The following TMEM114 variants were observed in gnomAD, a reference collection of about 807,000 sequenced individuals.
TMEM114 encodes the protein transmembrane protein 114.
TMEM114 carries 6 observed loss-of-function variants against 6.2 expected under a neutral mutation model. The ratio of observed to expected loss-of-function variants is 0.97; its 90% CI spans 0.53 to 1.91. TMEM114 has a LOEUF of 1.91. TMEM114 is among the 40% of genes most tolerant of loss of function. TMEM114 has a pLI of 0.01. For synonymous variants in TMEM114, 104 were observed against 73.0 expected (o/e 1.42, Z -2.16); for missense variants, 218 against 158.3 (o/e 1.38, Z -2.02).
In TMEM114 at chr16:8,562,196, A is replaced by G. The variant is rs1341748568; in HGVS notation, n.213-24370T>C. Among the ~76,000 whole-genome samples, 4 of 147,076 alleles carry G rather than the reference A, an allele frequency of 2.7e-5. No individual in the cohort carries two copies. In the South Asian group the frequency reaches 6.7e-4, roughly 25 times the overall value. ...AGTGAATGAGTCAGTGAGTGAGTGA[A>G]TGAGTCAGTGAATGAGTGAGTAAAT... On this transcript the variant is annotated intron_variant and non_coding_transcript_variant, in intron 2 of 2. Coordinates refer to the TMEM114 transcript ENST00000623677.
At chr16:8,530,653 A>T in the TMEM114 span, among the ~76,000 whole-genome samples, 7 of 151,348 alleles carry the variant, frequency 4.6e-5, no homozygotes, top group Non-Finnish European at 2.9e-5. Flanking sequence ...ACGGATGAAG[A>T]GAGGGAAGGG....
At chr16:8,528,678 C>T in the TMEM114 span, among the ~76,000 whole-genome samples, 1 of 152,312 alleles carries the variant, frequency 6.6e-6, no homozygotes, top group South Asian at 2.1e-4. Flanking sequence ...TGTCAGCTTT[C>T]AACATGATTT....
intron 2 of TMEM114, among the ~76,000 whole-genome samples, chr16:8,562,850 G>A (rs958759871): frequency 2.0e-4 from 30 of 151,408 alleles, no homozygotes; most frequent in Non-Finnish European, 3.8e-4. Context: ...GTGAATAAGT[G>A]AGTGAGTGAA....
chr16:8,578,461 A>T (rs545716094), intron 2 of TMEM114, among the ~76,000 whole-genome samples: 1 of 152,198 alleles, frequency 6.6e-6, no homozygotes, highest in East Asian at 1.9e-4. Flanking sequence ...TTGTCATAGG[A>T]TTTAGGGCCC....
downstream of TMEM114, among the ~76,000 whole-genome samples, chr16:8,567,565 GATGCGAGGAGC>G (rs948949553): frequency 3.9e-5 from 6 of 152,252 alleles, no homozygotes; most frequent in South Asian, 1.0e-3. Flanking sequence ...AGCATCATAG[GATGCGAGGAGC>G]ATCCCTGGCC....
At chr16:8,581,164 G>A (rs894570160) in intron 2 of TMEM114, among the ~76,000 whole-genome samples, 1 of 152,022 alleles carries the variant, frequency 6.6e-6, no homozygotes, top group Non-Finnish European at 1.5e-5. Flanking sequence ...TTTCTTTGAG[G>A]GGGGATAATA....
At chr16:8,586,613 G>A (rs1285411813) in intron 2 of TMEM114, among the ~76,000 whole-genome samples, 2 of 151,774 alleles carry the variant, frequency 1.3e-5, no homozygotes, top group Non-Finnish European at 2.9e-5. Context: ...AGGTTCAAGC[G>A]ATTCTCATAA....
At chr16:8,544,315 G>C (rs74836170) in intron 2 of TMEM114, among the ~76,000 whole-genome samples, 1 of 152,188 alleles carries the variant, frequency 6.6e-6, no homozygotes, top group East Asian at 1.9e-4. Context: ...ACAAATGTTT[G>C]TTGAGCATTA....
At chr16:8,568,046 G>T (rs747107729), downstream of TMEM114, among the ~76,000 whole-genome samples, 3 of 152,138 alleles carry the variant, frequency 2.0e-5, no homozygotes, top group Non-Finnish European at 4.4e-5. Context: ...GGAAGTAGGG[G>T]GAGGACCATC....
At chr16:8,534,187 G>C (rs1596462126), downstream of TMEM114, among the ~76,000 whole-genome samples, 1 of 152,338 alleles carries the variant, frequency 6.6e-6, no homozygotes, top group East Asian at 1.9e-4. Context: ...ATGGGGACAA[G>C]GTTTCGCAGT....
chr16:8,554,023 C>T (rs2141661683), intron 2 of TMEM114, among the ~76,000 whole-genome samples: 1 of 152,160 alleles, frequency 6.6e-6, no homozygotes, highest in African/African-American at 2.4e-5. Context: ...GGATTACAGG[C>T]ATGCGCCACC....
At chr16:8,572,047 C>G (rs1345670697) in intron 3 of TMEM114, 40 bp downstream of exon 3, 2 of 1,488,852 alleles carry the variant, frequency 1.3e-6, no homozygotes, top group African/African-American at 2.8e-5. Flanking sequence ...GCCCAACCCC[C>G]AGACCACAAG....
At chr16:8,587,485 G>A (rs1408261051) in intron 2 of TMEM114, among the ~76,000 whole-genome samples, 4 of 152,206 alleles carry the variant, frequency 2.6e-5, no homozygotes, top group African/African-American at 9.6e-5. Context: ...AAGTTGGTGG[G>A]ATAAAAGCAG....
chr16:8,541,367 C>A lies in TMEM114; in HGVS notation n.213-3541G>T, dbSNP rs2141649240. Among the ~76,000 whole-genome samples the A allele has an allele frequency of 1.3e-5, 2 of 152,098 alleles. 1 individual carries two copies. Among genetic ancestry groups the A allele is most frequent in the South Asian group, 4.2e-4 (2 of 4,808 alleles). On this transcript the variant is annotated intron_variant and non_coding_transcript_variant, in intron 2 of 2. Coordinates refer to the TMEM114 transcript ENST00000623677. The stretch of plus-strand genomic sequence containing the variant: ...GTTACATTATTAATAATACTAAGAC[C>A]ACAGACATAAACCAGGACCTCCCCA...
chr16:8,563,607 AAATGAGTGACTG>A (rs1261936793), intron 2 of TMEM114, among the ~76,000 whole-genome samples: 1 of 143,478 alleles, frequency 7.0e-6, no homozygotes, highest in African/African-American at 2.7e-5. Context: ...GTGAATGAGT[AAATGAGTGACTG>A]AATGAGTGAG....
chr16:8,546,825 C>T (rs1900682554), intron 2 of TMEM114, among the ~76,000 whole-genome samples: 1 of 152,212 alleles, frequency 6.6e-6, no homozygotes, highest in Admixed American at 6.5e-5. Context: ...CCTCTATCTT[C>T]CTTTGAGTGT....
At chr16:8,542,926 C>G (rs150863568) in intron 2 of TMEM114, among the ~76,000 whole-genome samples, 1 of 152,082 alleles carries the variant, frequency 6.6e-6, no homozygotes, top group Admixed American at 6.6e-5. Flanking sequence ...TACAAACTGC[C>G]GCTTATCATC....
intron 2 of TMEM114, among the ~76,000 whole-genome samples, chr16:8,544,231 T>C (rs899366008): frequency 6.6e-6 from 1 of 152,216 alleles, no homozygotes. Context: ...TGGCTTTATG[T>C]CTTGCTTAAC....
chr16:8,546,868 C>G (rs1035402727), intron 2 of TMEM114, among the ~76,000 whole-genome samples: 12 of 152,214 alleles, frequency 7.9e-5, no homozygotes, highest in Admixed American at 5.9e-4. Context: ...GGCTGACTCC[C>G]TTGCTATGGC....
Sources: gnomAD v4.1 joint callset for allele counts (sites outside exome capture counted in the v4.1 genomes callset) on GRCh38, gnomAD v4.1.1 for gene constraint, MANE v1.5 for transcripts, NCBI Gene and HGNC (gene_info 2026-07-23, HGNC 2026-07-21) for gene names.